FECH: variants seen among roughly 807,000 people sequenced by gnomAD.
FECH encodes the protein ferrochelatase, mitochondrial.
In FECH, 40 loss-of-function variants were observed where a neutral mutation model predicts 56.9. The ratio of observed to expected loss-of-function variants is 0.70; its 90% CI spans 0.55 to 0.92. The LOEUF is 0.92. Ranked by LOEUF, FECH falls within the 40% of genes least tolerant of loss-of-function variation. The pLI, the probability that FECH is intolerant of heterozygous loss-of-function variation, is 0.00. For missense variants in FECH, 431 were observed against 529.1 expected (o/e 0.81, Z 1.82); for synonymous variants, 175 against 198.6 (o/e 0.88, Z 1.00).
At chr18:57,566,211 A>G (rs1376623315) in intron 5 of FECH, among the ~76,000 whole-genome samples, 1 of 152,230 alleles carries the variant, frequency 6.6e-6, no homozygotes, top group Non-Finnish European at 1.5e-5. Context: ...GAACACTGAC[A>G]GCCACTGCCT....
chr18:57,568,240 A>G (rs1053317848), intron 4 of FECH, among the ~76,000 whole-genome samples: 5 of 152,188 alleles, frequency 3.3e-5, no homozygotes, highest in African/African-American at 9.7e-5. Flanking sequence ...CCTGTCCAGT[A>G]TCTGAAGGTT....
Position 57,545,983 on chromosome 18 carries a change from A to C in FECH, c.*4729T>G. On this transcript the variant is annotated 3_prime_UTR_variant, in exon 11 of 11. Coordinates refer to ENST00000262093, the MANE Select transcript of FECH (RefSeq NM_000140.5). ...CAGGGAATTGGTTCCAGGATCCCCC[A>C]CAGATACTAAAAGTTATCCACACTC... Among the ~76,000 whole-genome samples, 1 of 152,198 alleles carries C rather than the reference A, an allele frequency of 6.6e-6. No homozygotes were observed. Among genetic ancestry groups the C allele is most frequent in the East Asian group, 1.9e-4 (1 of 5,198 alleles).
chr18:57,553,215 A>G (rs1350388635), intron 9 of FECH, among the ~76,000 whole-genome samples: 5 of 147,236 alleles, frequency 3.4e-5, no homozygotes, highest in African/African-American at 1.2e-4. Flanking sequence ...AAATCCATAG[A>G]CAATGCTGCA....
intron 9 of FECH, 96 bp from the exon 10 acceptor site, chr18:57,551,470 TACACAC>T (rs1172738933): frequency 1.1e-6 from 1 of 896,156 alleles, no homozygotes; most frequent in Non-Finnish European, 1.8e-6. Flanking sequence ...TACACACAGA[TACACAC>T]ACACAATTCA....
Position 57,585,671 on chromosome 18 carries a change from C to T in FECH, c.67+883G>A, listed in dbSNP as rs78920731. ...TCCAAGTAGGTGTCAGACTGACGAACGTCTTAGAAAAATATGTCCGGTCTG... is the reference window on the plus strand; with the variant it reads ...TCCAAGTAGGTGTCAGACTGACGAATGTCTTAGAAAAATATGTCCGGTCTG... On this transcript the variant is annotated intron_variant, in intron 1 of 10. Coordinates refer to ENST00000262093, the MANE Select transcript of FECH (RefSeq NM_000140.5). Among the ~76,000 whole-genome samples the T allele has an allele frequency of 6.9e-3, 1,043 of 152,224 alleles. 13 individuals carry two copies. Among genetic ancestry groups the T allele is most frequent in the African/African-American group, 0.024 (997 of 41,526 alleles).
intron 1 of FECH, among the ~76,000 whole-genome samples, chr18:57,582,773 A>C (rs1363743725): frequency 7.8e-5 from 11 of 140,900 alleles, no homozygotes; most frequent in Admixed American, 7.8e-4. Flanking sequence ...AAAAAAAAAA[A>C]TTAGCCAGGC....
At position 57,548,065 on chromosome 18, in the gene FECH, AC is replaced by A. The variant is rs1225056367; in HGVS notation, c.*2646del. Reference sequence around the variant, plus strand: ...CAGGAGTTCAAGACCAGCCTGGACAACATGGCAAAACCCCATCTCTACAAAA... The same window carrying A: ...CAGGAGTTCAAGACCAGCCTGGACAAATGGCAAAACCCCATCTCTACAAAA... On this transcript the variant is annotated 3_prime_UTR_variant, in exon 11 of 11. Transcript: ENST00000262093. Among the ~76,000 whole-genome samples, 1 of 151,984 alleles carries A rather than the reference AC, an allele frequency of 6.6e-6. No homozygotes were observed. Among genetic ancestry groups the A allele is most frequent in the Non-Finnish European group, 1.5e-5 (1 of 67,988 alleles).
chr18:57,568,784 G>A (rs774984297), intron 4 of FECH, among the ~76,000 whole-genome samples: 11 of 152,186 alleles, frequency 7.2e-5, no homozygotes, highest in Admixed American at 5.2e-4. Flanking sequence ...TCAAATGTCC[G>A]ATTTGTACAT....
chr18:57,576,811 C>T (rs2051191945), intron 2 of FECH, among the ~76,000 whole-genome samples: 1 of 152,230 alleles, frequency 6.6e-6, no homozygotes, highest in African/African-American at 2.4e-5. Context: ...CCCAGTCTGA[C>T]ACCCCTCTAT....
Position 57,586,690 on chromosome 18 carries a change from G to T in FECH, c.-70C>A. 7.2e-7 allele frequency: 1 copy of T among 1,381,908 alleles called. No homozygotes were observed. The highest frequency in any genetic ancestry group is 9.6e-7 in the Non-Finnish European group (1 of 1,043,204). 85.6% of individuals were successfully genotyped at this position (1,381,908 alleles called of 1,614,324 possible). ...CGCGCCCAGGTGTCCGCCCAGCAGT[G>T]GCCGAGCCGGGTAGCGATCCCCACG... is the stretch of plus-strand genomic sequence containing the variant. On this transcript the variant is annotated 5_prime_UTR_variant, in exon 1 of 11. Coordinates refer to ENST00000262093, the MANE Select transcript of FECH (RefSeq NM_000140.5).
chr18:57,584,561 T>TG (rs1001037798), intron 1 of FECH, among the ~76,000 whole-genome samples: 31 of 151,506 alleles, frequency 2.0e-4, no homozygotes, highest in East Asian at 5.9e-4. Flanking sequence ...CAGAAGAGGG[T>TG]GGGGGGCGAG....
intron 9 of FECH, among the ~76,000 whole-genome samples, chr18:57,552,660 A>T (rs765124060): frequency 6.6e-6 from 1 of 152,146 alleles, no homozygotes; most frequent in Non-Finnish European, 1.5e-5. Context: ...TCGGATTCCC[A>T]AAGTGCTGAG....
In FECH at chr18:57,554,913, CG is replaced by C. The variant is rs2122250926; in HGVS notation, c.843del (p.Ser281ArgfsTer55). 1.9e-6 allele frequency: 3 copies of C among 1,614,122 alleles called. No individual in the cohort carries two copies. The highest frequency in any genetic ancestry group is 2.5e-6 in the Non-Finnish European group (3 of 1,180,006). On this transcript the variant is annotated frameshift_variant, in exon 8 of 11. Coordinates refer to ENST00000262093, the MANE Select transcript of FECH (RefSeq NM_000140.5). LOFTEE classifies it high-confidence loss of function. ...NRGDPYPQEV[S>X]ATVQKVMERL... Reference sequence around the variant, plus strand: ...CTTTCCATGACTTTTTGGACAGTGGCGCTTACCTCCTGAGGATATGGGTCGC... The same window carrying C: ...CTTTCCATGACTTTTTGGACAGTGGCCTTACCTCCTGAGGATATGGGTCGC...
In FECH at chr18:57,551,307, G is replaced by A. The variant is rs2050794675; in HGVS notation, c.1137+8C>T. The A allele has an allele frequency of 1.3e-6, 2 of 1,598,404 alleles. No individual in the cohort carries two copies. Among genetic ancestry groups the A allele is most frequent in the Non-Finnish European group, 1.7e-6 (2 of 1,165,924 alleles). The stretch of plus-strand genomic sequence containing the variant: ...GTTCTACTAAAACGATTGTAACACT[G>A]TAGATACCTTAGAGAACAATGGATT... On this transcript the variant is annotated splice_region_variant and intron_variant, in intron 10 of 10. Coordinates refer to ENST00000262093, the MANE Select transcript of FECH (RefSeq NM_000140.5).
Position 57,547,295 on chromosome 18 carries a change from G to C in FECH, c.*3417C>G, listed in dbSNP as rs1429412617. ...GTAAAAAGGACATGTGATTTGGGAGGGGCCAGGGTGGAATGATATGATTTG... is the reference window on the plus strand; with the variant it reads ...GTAAAAAGGACATGTGATTTGGGAGCGGCCAGGGTGGAATGATATGATTTG... On this transcript the variant is annotated 3_prime_UTR_variant, in exon 11 of 11. Transcript: ENST00000262093. Among the ~76,000 whole-genome samples the C allele has an allele frequency of 6.6e-6, 1 of 152,082 alleles. No individual in the cohort carries two copies. The highest frequency in any genetic ancestry group is 1.5e-5 in the Non-Finnish European group (1 of 68,034).
chr18:57,586,564 G>T lies in FECH; in HGVS notation c.57C>A (p.Leu19=). The change falls in exon 1 of 11, where the codon CTC becomes CTA. Residue 19 remains leucine, a synonymous_variant. Coordinates refer to ENST00000262093, the MANE Select transcript of FECH (RefSeq NM_000140.5). Reference sequence around the variant, plus strand: ...GACAGACCCACTTACGCGGATCGCGGAGCAGGACGCCCGCGGCGCGCAGGG... The same window carrying T: ...GACAGACCCACTTACGCGGATCGCGTAGCAGGACGCCCGCGGCGCGCAGGG... ...AAALRAAGVL[L]RDPLASSSWR... is the part of the protein sequence containing the mutation. The T allele has an allele frequency of 6.6e-7, 1 of 1,522,386 alleles. No individual in the cohort carries two copies. The highest frequency in any genetic ancestry group is 1.2e-5 in the South Asian group (1 of 82,582). 94.3% of individuals were successfully genotyped at this position (1,522,386 alleles called of 1,614,324 possible). A position where few individuals can be genotyped will look rare whatever the true frequency, so the allele number is the denominator to read the frequency against.
chr18:57,586,468 G>A (rs2051376002), intron 1 of FECH, 86 bp downstream of exon 1: 1 of 1,389,688 alleles, frequency 7.2e-7, no homozygotes. Flanking sequence ...TCCCCCGGGC[G>A]CGAGGGCCCG....
At chr18:57,550,940 G>C (rs1383965260) in intron 10 of FECH, 94 bp from the exon 11 acceptor site, 3 of 1,539,894 alleles carry the variant, frequency 1.9e-6, no homozygotes, top group Non-Finnish European at 1.8e-6. Context: ...CAGCGCTCTG[G>C]CTTGGGGTTT....
In FECH at chr18:57,546,606, T is replaced by C. The variant is rs72940306; in HGVS notation, c.*4106A>G. Among the ~76,000 whole-genome samples the C allele has an allele frequency of 9.7e-3, 1,478 of 152,360 alleles. 24 individuals carry two copies. The highest frequency in any genetic ancestry group is 0.077 in the South Asian group (374 of 4,832). On this transcript the variant is annotated 3_prime_UTR_variant, in exon 11 of 11. Transcript: ENST00000262093. ...TTACTAGAAAGATTAGCCCACCTCT[T>C]GCATCAGCGTGACCTGGAGGTGAGA...
Sources: gnomAD v4.1 joint callset for allele counts (sites outside exome capture counted in the v4.1 genomes callset) on GRCh38, gnomAD v4.1.1 for gene constraint, MANE v1.5 for transcripts, NCBI Gene and HGNC (gene_info 2026-07-23, HGNC 2026-07-21) for gene names.